JAK1: variants seen among roughly 807,000 people sequenced by gnomAD.
The protein encoded by JAK1 is tyrosine-protein kinase JAK1.
A neutral mutation model predicts 136.6 loss-of-function variants in JAK1; 16 were observed. That is an observed-to-expected ratio of 0.12 (90% CI 0.08 to 0.18). The LOEUF is 0.18. Ranked by LOEUF, JAK1 falls within the 10% of genes least tolerant of loss-of-function variation. JAK1 has a pLI of 1.00. For missense variants in JAK1, 859 were observed against 1,450.1 expected (o/e 0.59, Z 6.62); for synonymous variants, 492 against 519.5 (o/e 0.95, Z 0.72).
chr1:64,862,431 A>G (rs1378128743), intron 8 of JAK1, among the ~76,000 whole-genome samples: 2 of 152,260 alleles, frequency 1.3e-5, no homozygotes, highest in African/African-American at 4.8e-5. Context: ...TGAAGTGCTC[A>G]GAATAGGAAG....
rs138052613 is a variant in JAK1 at position 64,921,372 on chromosome 1, C to T, written c.-77-35031G>A. Among the ~76,000 whole-genome samples, 41 of 152,260 alleles carry T rather than the reference C, an allele frequency of 2.7e-4. 1 individual carries two copies. In the East Asian group the frequency reaches 7.7e-3, roughly 29 times the overall value. Reference sequence around the variant, plus strand: ...TCGCCTCTCCCTTTCTGCACAGCCACCTAGACTACTGATAACTGAAAGCAT... The same window carrying T: ...TCGCCTCTCCCTTTCTGCACAGCCATCTAGACTACTGATAACTGAAAGCAT... On this transcript the variant is annotated intron_variant, in intron 1 of 24. Transcript: ENST00000342505.
At chr1:64,838,684 G>A in intron 20 of JAK1, 95 bp from the exon 21 acceptor site, 1 of 1,303,492 alleles carries the variant, frequency 7.7e-7, no homozygotes, top group South Asian at 1.3e-5. Flanking sequence ...GCCCTGAGGT[G>A]ACGCCAGCTT....
intron 2 of JAK1, among the ~76,000 whole-genome samples, chr1:65,009,005 G>A (rs1162614488): frequency 2.0e-5 from 3 of 152,066 alleles, no homozygotes; most frequent in African/African-American, 7.2e-5. Flanking sequence ...AGTCTTAATT[G>A]AAAATATATT....
At position 64,855,899 on chromosome 1, in the gene JAK1, T is replaced by A. The variant is rs79492040; in HGVS notation, c.1459-201A>T. ...CAACTAACTAAATAATAAAACAAGG[T>A]CCAGGAGAAGGCATTGATAAAAGGG... On this transcript the variant is annotated intron_variant, in intron 10 of 24. Coordinates refer to ENST00000342505, the MANE Select transcript of JAK1 (RefSeq NM_002227.4). Among the ~76,000 whole-genome samples the A allele has an allele frequency of 2.6e-5, 4 of 152,100 alleles. No homozygotes were observed. In the East Asian group the frequency reaches 7.7e-4, roughly 29 times the overall value.
At chr1:64,926,763 C>T (rs1352827847) in intron 1 of JAK1, among the ~76,000 whole-genome samples, 2 of 152,198 alleles carry the variant, frequency 1.3e-5, no homozygotes, top group Admixed American at 1.3e-4. Context: ...AACCAGAACA[C>T]GTGTGTTTGA....
chr1:64,870,710 G>A (rs546511151), intron 5 of JAK1, among the ~76,000 whole-genome samples: 5 of 152,218 alleles, frequency 3.3e-5, no homozygotes, highest in African/African-American at 1.2e-4. Flanking sequence ...TATGTGAGAT[G>A]CTCTCTTTCC....
intron 2 of JAK1, among the ~76,000 whole-genome samples, chr1:65,012,125 G>T (rs1412453190): frequency 2.6e-5 from 4 of 152,198 alleles, no homozygotes; most frequent in Non-Finnish European, 5.9e-5. Flanking sequence ...TCTGTCATGG[G>T]GAGGTTGAAG....
chr1:64,938,817 T>C (rs1645836678), intron 1 of JAK1, among the ~76,000 whole-genome samples: 1 of 152,182 alleles, frequency 6.6e-6, no homozygotes, highest in Non-Finnish European at 1.5e-5. Context: ...TGGGTAGAGG[T>C]AGATGGCAGC....
At chr1:64,974,245 C>T (rs2100679153) in intron 2 of JAK1, 1 of 152,316 alleles carries the variant, frequency 6.6e-6, no homozygotes, top group South Asian at 2.1e-4. Flanking sequence ...TCAAGTTTAT[C>T]TTCCTCAGAT....
chr1:64,963,444 T>C (rs1471403107), intron 1 of JAK1, among the ~76,000 whole-genome samples: 1 of 149,694 alleles, frequency 6.7e-6, no homozygotes, highest in Non-Finnish European at 1.5e-5. Flanking sequence ...GTTCTGACAA[T>C]AAGAAAACTA....
intron 1 of JAK1, among the ~76,000 whole-genome samples, chr1:64,893,874 A>G (rs550370796): frequency 3.3e-5 from 5 of 152,268 alleles, no homozygotes; most frequent in South Asian, 2.1e-4. Context: ...CCATAATTTA[A>G]AGGAATACAA....
At chr1:65,029,311 G>T (rs1199804399) in intron 2 of JAK1, among the ~76,000 whole-genome samples, 4 of 152,074 alleles carry the variant, frequency 2.6e-5, no homozygotes, top group Non-Finnish European at 5.9e-5. Context: ...TGTTGCCCAG[G>T]CTGGTCTTAA....
At chr1:65,028,744 A>G (rs897692805) in intron 2 of JAK1, among the ~76,000 whole-genome samples, 1 of 152,204 alleles carries the variant, frequency 6.6e-6, no homozygotes, top group Non-Finnish European at 1.5e-5. Flanking sequence ...GTTTTTACAT[A>G]CGTTATCTGA....
upstream of JAK1, among the ~76,000 whole-genome samples, chr1:64,969,216 A>C (rs1385270512): frequency 2.7e-5 from 4 of 150,094 alleles, no homozygotes; most frequent in Non-Finnish European, 5.9e-5. Flanking sequence ...TTTTTTTGAG[A>C]GATTTAAGGT....
upstream of JAK1, among the ~76,000 whole-genome samples, chr1:64,970,209 C>CG (rs1557735938): frequency 6.8e-6 from 1 of 147,934 alleles, no homozygotes; most frequent in African/African-American, 2.5e-5. Context: ...GAGGCCAAGA[C>CG]GGGGTGGATT....
intron 2 of JAK1, among the ~76,000 whole-genome samples, chr1:64,997,228 C>T (rs1267018773): frequency 1.3e-5 from 2 of 152,052 alleles, no homozygotes; most frequent in Admixed American, 6.6e-5. Flanking sequence ...TCAAAATCCA[C>T]AAAACATAAA....
chr1:64,941,956 C>G (rs1001213915), intron 1 of JAK1: 1 of 152,040 alleles, frequency 6.6e-6, no homozygotes, highest in Non-Finnish European at 1.5e-5. Flanking sequence ...CGGCCTGGAG[C>G]GACTGTGTCA....
chr1:64,851,263 T>G (rs929906706), intron 11 of JAK1, among the ~76,000 whole-genome samples: 7 of 152,224 alleles, frequency 4.6e-5, no homozygotes, highest in Non-Finnish European at 1.0e-4. Flanking sequence ...GACTGGAAAC[T>G]GAAAGAAGTC....
At chr1:64,840,336 A>G (rs1654813076) in intron 19 of JAK1, among the ~76,000 whole-genome samples, 1 of 152,178 alleles carries the variant, frequency 6.6e-6, no homozygotes, top group Non-Finnish European at 1.5e-5. Context: ...GCTTCTGACA[A>G]TGCCTGGCAC....
Sources: gnomAD v4.1 joint callset for allele counts (sites outside exome capture counted in the v4.1 genomes callset) on GRCh38, gnomAD v4.1.1 for gene constraint, MANE v1.5 for transcripts, NCBI Gene and HGNC (gene_info 2026-07-23, HGNC 2026-07-21) for gene names.